The following SH3GL2 variants were observed in gnomAD, a reference collection of about 807,000 sequenced individuals.
SH3GL2 encodes the protein endophilin-A1.
Under a neutral mutation model 46.0 loss-of-function variants are expected in SH3GL2, and 24 were observed. The observed-to-expected ratio is 0.52, with a 90% confidence interval of 0.38 to 0.73. The LOEUF (loss-of-function observed/expected upper bound fraction) is 0.73, where lower values mean the gene tolerates loss of function less well. Among genes scored for constraint, SH3GL2 ranks in the 30% least tolerant of loss-of-function variants. SH3GL2 has a pLI of 0.00. For missense variants in SH3GL2, 413 were observed against 424.2 expected (o/e 0.97, Z 0.23); for synonymous variants, 196 against 147.1 (o/e 1.33, Z -2.40).
intron 1 of SH3GL2, among the ~76,000 whole-genome samples, chr9:17,583,811 A>G (rs1371078300): frequency 6.6e-6 from 1 of 152,118 alleles, no homozygotes. Context: ...AGAATGCTGT[A>G]TTTTATATGG....
intron 1 of SH3GL2, among the ~76,000 whole-genome samples, chr9:17,633,235 G>A (rs1291001535): frequency 1.3e-5 from 2 of 152,162 alleles, no homozygotes; most frequent in African/African-American, 4.8e-5. Context: ...AGAATGAGAC[G>A]CCATGATGAG....
chr9:17,771,276 G>A (rs1327326381), intron 3 of SH3GL2, among the ~76,000 whole-genome samples: 1 of 152,188 alleles, frequency 6.6e-6, no homozygotes, highest in Non-Finnish European at 1.5e-5. Context: ...GTATAGGTCA[G>A]TCCAGTTCCA....
intron 1 of SH3GL2, among the ~76,000 whole-genome samples, chr9:17,732,139 A>G (rs534796061): frequency 2.0e-4 from 31 of 152,256 alleles, no homozygotes; most frequent in Middle Eastern, 3.4e-3. Flanking sequence ...CATATTCTCA[A>G]CAACAATCAT....
chr9:17,738,770 C>G (rs1160927369), intron 1 of SH3GL2, among the ~76,000 whole-genome samples: 2 of 151,688 alleles, frequency 1.3e-5, no homozygotes, highest in Admixed American at 6.6e-5. Context: ...TGCTCAGAAG[C>G]TGATGCTTCA....
At chr9:17,636,007 G>A (rs987060879) in intron 1 of SH3GL2, among the ~76,000 whole-genome samples, 3 of 152,184 alleles carry the variant, frequency 2.0e-5, no homozygotes, top group Admixed American at 2.0e-4. Context: ...TTCAAGTACA[G>A]CCACACTGAA....
intron 2 of SH3GL2, among the ~76,000 whole-genome samples, chr9:17,753,078 C>T (rs554955791): frequency 1.1e-4 from 17 of 152,202 alleles, no homozygotes; most frequent in East Asian, 5.8e-4. Flanking sequence ...ATGGTGTATA[C>T]GTAGCACATT....
At chr9:17,677,206 A>T (rs747722521) in intron 1 of SH3GL2, among the ~76,000 whole-genome samples, 1 of 152,174 alleles carries the variant, frequency 6.6e-6, no homozygotes, top group East Asian at 1.9e-4. Flanking sequence ...AGCTGTACCC[A>T]TTGAAGCAAA....
At chr9:17,689,611 A>T (rs1180001347) in intron 1 of SH3GL2, among the ~76,000 whole-genome samples, 1 of 150,956 alleles carries the variant, frequency 6.6e-6, no homozygotes, top group African/African-American at 2.5e-5. Flanking sequence ...CCTCCTTAGC[A>T]CTGTCCCTGC....
chr9:17,580,288 A>G (rs1160044285), intron 1 of SH3GL2, among the ~76,000 whole-genome samples: 1 of 152,182 alleles, frequency 6.6e-6, no homozygotes, highest in African/African-American at 2.4e-5. Context: ...AGTTTTTCAT[A>G]GGTTAGCCTT....
intron 5 of SH3GL2, 101 bp from the exon 6 acceptor site, chr9:17,789,291 T>G: frequency 1.1e-6 from 1 of 915,318 alleles, no homozygotes; most frequent in Non-Finnish European, 1.7e-6. Context: ...AAACTTAGCC[T>G]ATCTTAATTT....
chr9:17,782,027 A>G (rs530256162), intron 3 of SH3GL2, among the ~76,000 whole-genome samples: 1 of 152,142 alleles, frequency 6.6e-6, no homozygotes, highest in Non-Finnish European at 1.5e-5. Context: ...CCCCCTAGAC[A>G]TAGCACTTGC....
intron 1 of SH3GL2, among the ~76,000 whole-genome samples, chr9:17,680,668 C>T (rs1350030451): frequency 6.6e-6 from 1 of 152,074 alleles, no homozygotes; most frequent in Non-Finnish European, 1.5e-5. Flanking sequence ...TTGCCTTCTG[C>T]TAGCTTTTGA....
intron 1 of SH3GL2, among the ~76,000 whole-genome samples, 191 bp downstream of exon 1, chr9:17,579,478 C>T (rs1462709155): frequency 6.6e-6 from 1 of 151,974 alleles, no homozygotes; most frequent in Non-Finnish European, 1.5e-5. Context: ...CTCGGTCCCC[C>T]GCCCCCGGCT....
At chr9:17,755,732 C>A (rs1258075121) in intron 2 of SH3GL2, 50 of 970,038 alleles carry the variant, frequency 5.2e-5, no homozygotes, top group Non-Finnish European at 6.1e-5. Flanking sequence ...AGTATGAAAT[C>A]ATATCTTTCA....
chr9:17,644,503 T>C (rs1588200455), intron 1 of SH3GL2, among the ~76,000 whole-genome samples: 1 of 152,292 alleles, frequency 6.6e-6, no homozygotes, highest in East Asian at 1.9e-4. Flanking sequence ...TTTGGCTGTG[T>C]CCCAGAGATT....
intron 2 of SH3GL2, among the ~76,000 whole-genome samples, chr9:17,760,077 G>T (rs1823123740): frequency 6.6e-6 from 1 of 152,130 alleles, no homozygotes; most frequent in African/African-American, 2.4e-5. Context: ...CACAACTCCA[G>T]GGGGCTACTG....
intron 1 of SH3GL2, among the ~76,000 whole-genome samples, chr9:17,726,823 AG>A (rs1822031658): frequency 6.6e-6 from 1 of 152,178 alleles, no homozygotes; most frequent in Non-Finnish European, 1.5e-5. Flanking sequence ...GAAGATGTGG[AG>A]AAACAGAAAT....
intron 1 of SH3GL2, among the ~76,000 whole-genome samples, chr9:17,658,862 G>A (rs556712026): frequency 8.5e-5 from 13 of 152,304 alleles, no homozygotes; most frequent in African/African-American, 2.9e-4. Context: ...CAGAAAATCT[G>A]CCCTGGAAAA....
At chr9:17,718,754 C>T (rs564268217) in intron 1 of SH3GL2, among the ~76,000 whole-genome samples, 28 of 152,102 alleles carry the variant, frequency 1.8e-4, no homozygotes, top group Admixed American at 3.3e-4. Flanking sequence ...ACTCCCAGGC[C>T]CCACCTCCAA....
Sources: gnomAD v4.1 joint callset for allele counts (sites outside exome capture counted in the v4.1 genomes callset) on GRCh38, gnomAD v4.1.1 for gene constraint, MANE v1.5 for transcripts, NCBI Gene and HGNC (gene_info 2026-07-23, HGNC 2026-07-21) for gene names.